TRAPPC6B: variants seen among roughly 807,000 people sequenced by gnomAD.
TRAPPC6B encodes trafficking protein particle complex subunit 6B.
Under a neutral mutation model 24.7 loss-of-function variants are expected in TRAPPC6B, and 27 were observed. The ratio of observed to expected loss-of-function variants is 1.09; its 90% confidence interval spans 0.81 to 1.51. TRAPPC6B has a LOEUF of 1.51. Ranked by LOEUF, TRAPPC6B falls within the 40% of genes most tolerant of loss-of-function variation. TRAPPC6B has a pLI of 0.00. For synonymous variants in TRAPPC6B, 80 were observed against 66.6 expected (o/e 1.20, Z -0.98); for missense variants, 212 against 190.8 (o/e 1.11, Z -0.66).
chr14:39,159,461 T>A, intron 2 of TRAPPC6B, 22 bp downstream of exon 2: 1 of 1,555,662 alleles, frequency 6.4e-7, no homozygotes, highest in Non-Finnish European at 8.7e-7. Flanking sequence ...TGCAAGAAAA[T>A]TTTCAAATCC....
At chr14:39,150,755 T>C (rs1036670799) in intron 5 of TRAPPC6B, among the ~76,000 whole-genome samples, 3 of 152,098 alleles carry the variant, frequency 2.0e-5, no homozygotes, top group East Asian at 1.9e-4. Flanking sequence ...GCCAGGCTGG[T>C]CTCAAACTCC....
Position 39,150,356 on chromosome 14 carries a change from C to T in TRAPPC6B, c.471G>A (p.Lys157=). 6.3e-7 allele frequency: 1 copy of T among 1,584,894 alleles called. No homozygotes were observed. The highest frequency in any genetic ancestry group is 8.5e-7 in the Non-Finnish European group (1 of 1,172,160). The change falls in exon 6 of 6, where the codon AAG becomes AAA. Residue 157 remains lysine, a synonymous_variant. Coordinates refer to ENST00000330149, the MANE Select transcript of TRAPPC6B (RefSeq NM_001079537.2). ...CCTTGCATTTCAGTATGTTCTACAG[C>T]TTCTGTATCATCACCTGAAATTTGC... is the stretch of plus-strand genomic sequence containing the variant. ...PACKFQVMIQ[K]L is the part of the protein sequence containing the mutation.
At position 39,150,589 on chromosome 14, in the gene TRAPPC6B, A is replaced by T. The variant is rs185770521; in HGVS notation, c.446-208T>A. ...AGTCTTGCTCTGTTGCCCAGGCTGG[A>T]GTGCAGTGGCACGATCTCTGCTCAC... On this transcript the variant is annotated intron_variant, in intron 5 of 5. Transcript: ENST00000330149. Among the ~76,000 whole-genome samples, 20 of 152,066 alleles carry T rather than the reference A, an allele frequency of 1.3e-4. 1 individual carries two copies. The highest frequency in any genetic ancestry group is 4.6e-4 in the African/African-American group (19 of 41,488).
chr14:39,152,131 T>C lies in TRAPPC6B; in HGVS notation c.352-292A>G, dbSNP rs74343570. Among the ~76,000 whole-genome samples, 161 of 152,334 alleles carry C rather than the reference T, an allele frequency of 1.1e-3. 3 individuals are homozygous for C. In the East Asian group the frequency reaches 0.029, roughly 27 times the overall value. On this transcript the variant is annotated intron_variant, in intron 4 of 5. Transcript: ENST00000330149. ...GCCAGAAACTGATCAGAATTAGTTC[T>C]GGAGGCAGTAAAGGTAGTTTGTGTC...
intron 1 of TRAPPC6B, among the ~76,000 whole-genome samples, chr14:39,166,759 G>T (rs996268702): frequency 6.6e-6 from 1 of 152,118 alleles, no homozygotes; most frequent in Non-Finnish European, 1.5e-5. Flanking sequence ...GGCCTTTTGA[G>T]ATGTCTTTTC....
chr14:39,163,243 T>C (rs1253831039), intron 1 of TRAPPC6B, among the ~76,000 whole-genome samples: 1 of 149,886 alleles, frequency 6.7e-6, no homozygotes, highest in Non-Finnish European at 1.5e-5. Context: ...TGGTGGCACA[T>C]ACCTGTAGTC....
chr14:39,156,971 G>A (rs1022914678), intron 3 of TRAPPC6B: 5 of 157,948 alleles, frequency 3.2e-5, no homozygotes, highest in African/African-American at 1.2e-4. Context: ...ATTAGCCGGA[G>A]TGGTGGCACA....
intron 1 of TRAPPC6B, among the ~76,000 whole-genome samples, chr14:39,165,669 T>G (rs983453045): frequency 7.0e-6 from 1 of 143,824 alleles, no homozygotes; most frequent in African/African-American, 2.4e-5. Context: ...CATGGTAGCA[T>G]GCCCATAGCC....
chr14:39,163,682 G>GT (rs1176112560), intron 1 of TRAPPC6B, among the ~76,000 whole-genome samples: 1 of 150,788 alleles, frequency 6.6e-6, no homozygotes. Flanking sequence ...TCTGAAGGCT[G>GT]TTTGTCTCCC....
At chr14:39,154,107 C>A (rs915192298) in intron 4 of TRAPPC6B, 104 bp downstream of exon 4, 4 of 705,324 alleles carry the variant, frequency 5.7e-6, no homozygotes, top group Non-Finnish European at 9.6e-6. Context: ...AAAAAGAACA[C>A]CTTAAAACAT....
At chr14:39,166,905 T>C (rs1273734555) in intron 1 of TRAPPC6B, among the ~76,000 whole-genome samples, 5 of 152,136 alleles carry the variant, frequency 3.3e-5, no homozygotes, top group Admixed American at 2.6e-4. Flanking sequence ...AGACTCTGCA[T>C]GTTTGGGGAG....
At chr14:39,151,087 A>G (rs1486024563) in intron 5 of TRAPPC6B, among the ~76,000 whole-genome samples, 1 of 152,034 alleles carries the variant, frequency 6.6e-6, no homozygotes, top group African/African-American at 2.4e-5. Context: ...ATCCTAAACA[A>G]TTGTTTAAAA....
chr14:39,168,769 T>G (rs1478112021), intron 1 of TRAPPC6B, among the ~76,000 whole-genome samples: 2 of 152,208 alleles, frequency 1.3e-5, no homozygotes, highest in East Asian at 3.8e-4. Flanking sequence ...TTATCTCCTT[T>G]TCTCACTATC....
chr14:39,154,115 C>A, intron 4 of TRAPPC6B, 96 bp downstream of exon 4: 1 of 749,904 alleles, frequency 1.3e-6, no homozygotes, highest in Non-Finnish European at 2.2e-6. Context: ...CACCTTAAAA[C>A]ATATTTTTAA....
At chr14:39,157,257 C>T (rs147928875) in intron 3 of TRAPPC6B, 6,485 of 368,468 alleles carry the variant, frequency 0.018, 106 homozygotes, top group South Asian at 0.022. Context: ...TGCAGTGGCA[C>T]AAAGCCATCC....
chr14:39,164,505 T>C (rs898508027), intron 1 of TRAPPC6B, among the ~76,000 whole-genome samples: 2 of 149,086 alleles, frequency 1.3e-5, no homozygotes, highest in Non-Finnish European at 3.0e-5. Context: ...AAAAAAATCA[T>C]GTTATTCTCT....
chr14:39,170,317 G>A lies in TRAPPC6B; in HGVS notation c.-222C>T, dbSNP rs958489965. The A allele has an allele frequency of 5.3e-6, 3 of 562,092 alleles. No individual in the cohort carries two copies. Among genetic ancestry groups the A allele is most frequent in the Non-Finnish European group, 9.4e-6 (3 of 320,008 alleles). 34.8% of individuals were successfully genotyped at this position (562,092 alleles called of 1,614,324 possible). On this transcript the variant is annotated 5_prime_UTR_variant, in exon 1 of 6. Transcript: ENST00000330149. The stretch of plus-strand genomic sequence containing the variant: ...CACACTTCGGGGCTACCAAATCCTA[G>A]GGCCGAACTAAAGTCTGACGGGAGC...
chr14:39,151,893 C>T (rs1166367622), intron 4 of TRAPPC6B, 54 bp from the exon 5 acceptor site: 11 of 1,239,864 alleles, frequency 8.9e-6, no homozygotes, highest in Middle Eastern at 2.0e-4. Context: ...AATAGTAAAG[C>T]TATTGATAAA....
intron 2 of TRAPPC6B, 48 bp from the exon 3 acceptor site, chr14:39,158,450 G>A: frequency 9.3e-7 from 1 of 1,070,434 alleles, no homozygotes; most frequent in Non-Finnish European, 1.4e-6. Flanking sequence ...TCCAAAAAAA[G>A]CAAGAGGGAC....
Sources: gnomAD v4.1 joint callset for allele counts (sites outside exome capture counted in the v4.1 genomes callset) on GRCh38, gnomAD v4.1.1 for gene constraint, MANE v1.5 for transcripts, NCBI Gene and HGNC (gene_info 2026-07-23, HGNC 2026-07-21) for gene names.